Variants in TMEFF2 observed in about 807,000 individuals in gnomAD.
TMEFF2 encodes the protein tomoregulin-2.
Under a neutral mutation model 53.8 loss-of-function variants are expected in TMEFF2, and 28 were observed. That is an observed-to-expected ratio of 0.52 (90% CI 0.39 to 0.71). The LOEUF is 0.71. TMEFF2 is among the 30% of genes least tolerant of loss of function. The pLI is 0.00. For synonymous variants in TMEFF2, 162 were observed against 166.3 expected (o/e 0.97, Z 0.20); for missense variants, 353 against 455.2 (o/e 0.78, Z 2.04).
At chr2:192,065,900 G>A (rs1179705243) in intron 4 of TMEFF2, among the ~76,000 whole-genome samples, 2 of 151,596 alleles carry the variant, frequency 1.3e-5, no homozygotes, top group Non-Finnish European at 3.0e-5. Context: ...TGCCTATTTT[G>A]CATCTTGTGT....
chr2:191,949,062 A>C lies in TMEFF2; in HGVS notation c.*1249T>G, dbSNP rs1230528602. The C allele has an allele frequency of 1.8e-5, 18 of 984,576 alleles. No individual in the cohort carries two copies. The highest frequency in any genetic ancestry group is 2.0e-5 in the Non-Finnish European group (17 of 829,394). 61.0% of individuals were successfully genotyped at this position (984,576 alleles called of 1,614,324 possible). The stretch of plus-strand genomic sequence containing the variant: ...CACAGGTTATTTGAAGGAGACAAAG[A>C]GAGCTTTATTTAAATTTACTGTGTT... On this transcript the variant is annotated 3_prime_UTR_variant, in exon 10 of 10. Transcript: ENST00000272771.
At chr2:192,183,491 T>C (rs1189247367) in intron 3 of TMEFF2, among the ~76,000 whole-genome samples, 1 of 152,098 alleles carries the variant, frequency 6.6e-6, no homozygotes, top group Admixed American at 6.6e-5. Context: ...GATGACGTTG[T>C]TATTATTCCT....
intron 5 of TMEFF2, among the ~76,000 whole-genome samples, chr2:192,022,538 T>C (rs1686880800): frequency 6.6e-6 from 1 of 152,202 alleles, no homozygotes; most frequent in South Asian, 2.1e-4. Context: ...GTAACATTAG[T>C]AGTGGCTTTG....
chr2:192,105,645 T>C (rs1689128865), intron 4 of TMEFF2, among the ~76,000 whole-genome samples: 1 of 151,988 alleles, frequency 6.6e-6, no homozygotes, highest in African/African-American at 2.4e-5. Flanking sequence ...TTTAATTCAG[T>C]TGGCATTTCT....
At chr2:192,049,720 G>T (rs540476246) in intron 5 of TMEFF2, among the ~76,000 whole-genome samples, 1 of 152,272 alleles carries the variant, frequency 6.6e-6, no homozygotes, top group South Asian at 2.1e-4. Flanking sequence ...AGCAAGTAAA[G>T]GCCAGGTGCG....
chr2:191,979,877 T>TCTATCTATAC (rs1685816396), intron 7 of TMEFF2, among the ~76,000 whole-genome samples: 1 of 152,154 alleles, frequency 6.6e-6, no homozygotes, highest in African/African-American at 2.4e-5. Context: ...TCTATCTATA[T>TCTATCTATAC]GTTTTAGCAC....
intron 3 of TMEFF2, among the ~76,000 whole-genome samples, chr2:192,182,495 A>G (rs962472105): frequency 3.3e-5 from 5 of 152,012 alleles, no homozygotes; most frequent in African/African-American, 1.2e-4. Flanking sequence ...TAAATTTTCT[A>G]CTTGGCTAAG....
At chr2:191,957,267 T>C (rs530758432) in intron 7 of TMEFF2, among the ~76,000 whole-genome samples, 2 of 152,130 alleles carry the variant, frequency 1.3e-5, no homozygotes, top group Non-Finnish European at 2.9e-5. Context: ...CATTTTATGA[T>C]AAAACTTTTG....
chr2:192,019,452 A>G (rs933617408), intron 5 of TMEFF2, among the ~76,000 whole-genome samples: 1 of 152,068 alleles, frequency 6.6e-6, no homozygotes, highest in South Asian at 2.1e-4. Context: ...GCCACATTGC[A>G]TACCAGGAAA....
intron 4 of TMEFF2, among the ~76,000 whole-genome samples, chr2:192,131,407 C>T (rs900947014): frequency 2.0e-5 from 3 of 152,104 alleles, no homozygotes; most frequent in South Asian, 4.1e-4. Flanking sequence ...GCGGCAAGTC[C>T]CGCTTTTCTG....
intron 4 of TMEFF2, among the ~76,000 whole-genome samples, chr2:192,167,718 G>A (rs1486801658): frequency 6.6e-6 from 1 of 152,140 alleles, no homozygotes; most frequent in African/African-American, 2.4e-5. Flanking sequence ...AAGAGCATGA[G>A]GACAGGGGTA....
At position 191,950,329 on chromosome 2, in the gene TMEFF2, C is replaced by T. The variant is rs755498016; in HGVS notation, c.1107G>A (p.Ala369=). Residue 369 remains alanine, a synonymous_variant, in exon 10 of 10, where the codon GCG becomes GCA. Coordinates refer to ENST00000272771, the MANE Select transcript of TMEFF2 (RefSeq NM_016192.4). Reference sequence around the variant, plus strand: ...GCTCCCTTTAGATTAACCTCGTGGACGCTCTTGTTGTATTGTCTGAACTGT... The same window carrying T: ...GCTCCCTTTAGATTAACCTCGTGGATGCTCTTGTTGTATTGTCTGAACTGT... ...GHYSSDNTTR[A]STRLI The T allele has an allele frequency of 3.5e-5, 57 of 1,613,314 alleles. No individual in the cohort carries two copies. The highest frequency in any genetic ancestry group is 3.3e-4 in the Middle Eastern group (2 of 6,080).
At chr2:191,978,369 C>T (rs1355942693) in intron 7 of TMEFF2, among the ~76,000 whole-genome samples, 1 of 151,722 alleles carries the variant, frequency 6.6e-6, no homozygotes, top group African/African-American at 2.4e-5. Flanking sequence ...GCCTAAATTT[C>T]TTTATCTTTG....
chr2:192,143,601 T>G (rs1690186404), intron 4 of TMEFF2, among the ~76,000 whole-genome samples: 1 of 152,186 alleles, frequency 6.6e-6, no homozygotes, highest in Admixed American at 6.6e-5. Context: ...TTTAATATCA[T>G]GGATGGCTAG....
intron 4 of TMEFF2, among the ~76,000 whole-genome samples, chr2:192,134,617 C>G (rs967007599): frequency 6.6e-6 from 1 of 152,158 alleles, no homozygotes; most frequent in Non-Finnish European, 1.5e-5. Context: ...ACTTCAAGCT[C>G]GAAGCTTTGC....
rs541697947 is a variant in TMEFF2, at chr2:192,120,529, T to C, written c.439+59139A>G. On this transcript the variant is annotated intron_variant, in intron 4 of 9. Coordinates refer to ENST00000272771, the MANE Select transcript of TMEFF2 (RefSeq NM_016192.4). ...GCCCTGTGAGGCATAAAATCCAACT[T>C]GTTCTTCCCCTCTCTGAAGAGAGAG... Among the ~76,000 whole-genome samples, 304 of 152,258 alleles carry C rather than the reference T, an allele frequency of 2.0e-3. 1 individual carries two copies. Among genetic ancestry groups the C allele is most frequent in the African/African-American group, 6.4e-3 (264 of 41,556 alleles).
chr2:192,142,217 T>C (rs1381564033), intron 4 of TMEFF2, among the ~76,000 whole-genome samples: 1 of 152,130 alleles, frequency 6.6e-6, no homozygotes, highest in Non-Finnish European at 1.5e-5. Context: ...GTTTGTTACA[T>C]GTAGATTTAA....
At chr2:192,172,547 T>C (rs559441683) in intron 4 of TMEFF2, among the ~76,000 whole-genome samples, 2 of 152,066 alleles carry the variant, frequency 1.3e-5, no homozygotes, top group South Asian at 4.1e-4. Context: ...TATATATATT[T>C]TTAGCAATGA....
intron 5 of TMEFF2, among the ~76,000 whole-genome samples, chr2:192,015,627 T>TAA (rs1375820641): frequency 6.6e-6 from 1 of 152,186 alleles, no homozygotes; most frequent in Non-Finnish European, 1.5e-5. Context: ...ACTATATTTT[T>TAA]AAAAGATAAT....
Sources: gnomAD v4.1 joint callset for allele counts (sites outside exome capture counted in the v4.1 genomes callset) on GRCh38, gnomAD v4.1.1 for gene constraint, MANE v1.5 for transcripts, NCBI Gene and HGNC (gene_info 2026-07-23, HGNC 2026-07-21) for gene names.